Variants in NXPE2 observed in about 807,000 individuals in gnomAD.
NXPE2 encodes NXPE family member 2.
A neutral mutation model predicts 34.4 loss-of-function variants in NXPE2; 34 were observed. The ratio of observed to expected loss-of-function variants is 0.99; its 90% CI spans 0.75 to 1.31. NXPE2 has a LOEUF of 1.31. Among genes scored for constraint, NXPE2 ranks in the 40% most tolerant of loss-of-function variants. The pLI is 0.00. For synonymous variants in NXPE2, 235 were observed against 231.3 expected, an observed-to-expected ratio of 1.02 and a Z score of -0.15; for missense variants, 649 against 672.5, an observed-to-expected ratio of 0.97 and a Z score of 0.39.
At chr11:114,552,864 A>T in the NXPE2 span, 1 of 977,664 alleles carries the variant, frequency 1.0e-6, no homozygotes, top group South Asian at 4.7e-5. Flanking sequence ...AATAGGTGTC[A>T]GGTAGCACAG....
At chr11:114,665,602 A>C in the NXPE2 span, among the ~76,000 whole-genome samples, 1 of 152,218 alleles carries the variant, frequency 6.6e-6, no homozygotes, top group African/African-American at 2.4e-5. Context: ...TTAGTAGGAC[A>C]GGACAGCAAG....
chr11:114,783,947 G>A, the NXPE2 span, among the ~76,000 whole-genome samples: 3 of 152,202 alleles, frequency 2.0e-5, no homozygotes, highest in Non-Finnish European at 2.9e-5. Context: ...CTAACTGTTT[G>A]ATCTTTATCT....
chr11:114,478,436 C>G, the NXPE2 span, among the ~76,000 whole-genome samples: 1,971 of 152,222 alleles, frequency 0.013, 46 homozygotes, highest in African/African-American at 0.045. Context: ...TGCAAATTTT[C>G]TAAAGGAAAT....
chr11:114,586,007 G>T, the NXPE2 span, among the ~76,000 whole-genome samples: 1 of 152,146 alleles, frequency 6.6e-6, no homozygotes, highest in Non-Finnish European at 1.5e-5. Context: ...GAGTGGGACA[G>T]CCAGCTTCTT....
intron 2 of NXPE2, among the ~76,000 whole-genome samples, chr11:114,693,611 C>T (rs544126649): frequency 3.3e-5 from 5 of 152,212 alleles, no homozygotes; most frequent in South Asian, 2.1e-4. Flanking sequence ...CTTAACCTAA[C>T]GAAATCAAAT....
the NXPE2 span, among the ~76,000 whole-genome samples, chr11:114,507,259 A>AC: frequency 6.6e-6 from 1 of 151,312 alleles, no homozygotes; most frequent in African/African-American, 2.4e-5. Flanking sequence ...AAAAAAAAAA[A>AC]AAAAAAGCAG....
chr11:114,666,273 C>A, the NXPE2 span, among the ~76,000 whole-genome samples: 1 of 152,142 alleles, frequency 6.6e-6, no homozygotes, highest in Non-Finnish European at 1.5e-5. Flanking sequence ...CTCACAGCAG[C>A]ATTTTCATTT....
chr11:114,464,967 T>G, the NXPE2 span, among the ~76,000 whole-genome samples: 1 of 152,152 alleles, frequency 6.6e-6, no homozygotes, highest in African/African-American at 2.4e-5. Flanking sequence ...TCATTATTAA[T>G]CAGGAAATTC....
chr11:114,538,910 T>G, the NXPE2 span, among the ~76,000 whole-genome samples: 2 of 152,106 alleles, frequency 1.3e-5, no homozygotes, highest in Non-Finnish European at 2.9e-5. Flanking sequence ...GAAATACCAT[T>G]TGACCCAGCC....
the NXPE2 span, among the ~76,000 whole-genome samples, chr11:114,773,191 G>T: frequency 6.6e-6 from 1 of 151,332 alleles, no homozygotes; most frequent in African/African-American, 2.4e-5. Context: ...AACTTCCTCT[G>T]TTCTCATCCT....
At chr11:114,663,721 A>AT in the NXPE2 span, among the ~76,000 whole-genome samples, 2 of 120,626 alleles carry the variant, frequency 1.7e-5, no homozygotes, top group Non-Finnish European at 3.6e-5. Context: ...TATCTGATCT[A>AT]CCTACCTATC....
the NXPE2 span, among the ~76,000 whole-genome samples, chr11:114,485,115 C>T: frequency 3.7e-4 from 57 of 152,128 alleles, no homozygotes; most frequent in Admixed American, 3.7e-3. Context: ...TATAGGCATA[C>T]AATGTGTATT....
At position 114,706,939 on chromosome 11, in the gene NXPE2, T is replaced by C. The variant is rs1372520322; in HGVS notation, c.*9T>C. 2 of 1,532,332 alleles carry C rather than the reference T, an allele frequency of 1.3e-6. No homozygotes were observed. Among genetic ancestry groups the C allele is most frequent in the Non-Finnish European group, 1.8e-6 (2 of 1,135,518 alleles). 94.9% of individuals were successfully genotyped at this position (1,532,332 alleles called of 1,614,324 possible). On this transcript the variant is annotated 3_prime_UTR_variant, in exon 6 of 6. Transcript: ENST00000389586. ...TAAACTACATTTGTTAGAGGAAAAA[T>C]ACAAAAATAGCACTAGCCACTTTCT...
chr11:114,469,042 G>A, the NXPE2 span, among the ~76,000 whole-genome samples: 1 of 146,566 alleles, frequency 6.8e-6, no homozygotes, highest in East Asian at 2.1e-4. Context: ...ATACTAAATA[G>A]TATAACCCTG....
chr11:114,776,845 A>C, the NXPE2 span, among the ~76,000 whole-genome samples: 2 of 152,202 alleles, frequency 1.3e-5, no homozygotes, highest in South Asian at 4.1e-4. Flanking sequence ...TTGTTAGTCT[A>C]TCAGTAGTTT....
the NXPE2 span, among the ~76,000 whole-genome samples, chr11:114,497,598 A>C: frequency 2.0e-5 from 3 of 152,256 alleles, no homozygotes; most frequent in African/African-American, 7.2e-5. Flanking sequence ...GCCTAGGAGC[A>C]ATAGGCAATA....
the NXPE2 span, chr11:114,570,874 C>A: frequency 8.6e-7 from 1 of 1,169,052 alleles, no homozygotes. Flanking sequence ...CAGCATCTGG[C>A]CTGCTAGTAG....
chr11:114,490,549 A>G, the NXPE2 span, among the ~76,000 whole-genome samples: 2 of 152,194 alleles, frequency 1.3e-5, no homozygotes, highest in African/African-American at 4.8e-5. Flanking sequence ...ATAATGCCGC[A>G]TATCTACAAC....
the NXPE2 span, among the ~76,000 whole-genome samples, chr11:114,604,708 T>C: frequency 2.6e-5 from 4 of 151,910 alleles, no homozygotes; most frequent in Non-Finnish European, 5.9e-5. Context: ...GAATAAGTAA[T>C]GCCTTGTGGG....
Sources: allele counts gnomAD v4.1 joint callset (sites outside exome capture counted in the v4.1 genomes callset), GRCh38; gene constraint gnomAD v4.1.1; transcripts MANE v1.5; gene names NCBI Gene and HGNC (gene_info 2026-07-23, HGNC 2026-07-21).